The following PDE8B variants were observed in gnomAD, a reference collection of about 807,000 sequenced individuals.
PDE8B encodes the protein high affinity cAMP-specific and IBMX-insensitive 3',5'-cyclic phosphodiesterase 8B.
Under a neutral mutation model 101.3 loss-of-function variants are expected in PDE8B, and 26 were observed. The ratio of observed to expected loss-of-function variants is 0.26; its 90% CI spans 0.19 to 0.36. The LOEUF is 0.36. Ranked by LOEUF, PDE8B falls within the 10% of genes least tolerant of loss-of-function variation. The pLI is 1.00. For synonymous variants in PDE8B, 424 were observed against 429.3 expected (o/e 0.99, Z 0.15); for missense variants, 810 against 1,163.1 (o/e 0.70, Z 4.42).
chr5:77,093,417 A>C, the PDE8B span, among the ~76,000 whole-genome samples: 1 of 151,998 alleles, frequency 6.6e-6, no homozygotes, highest in African/African-American at 2.4e-5. Flanking sequence ...TTATTTCTAT[A>C]AGGTTGATGG....
intron 10 of PDE8B, among the ~76,000 whole-genome samples, chr5:77,378,037 CA>C (rs1173169038): frequency 4.4e-5 from 6 of 136,438 alleles, no homozygotes; most frequent in Non-Finnish European, 9.8e-5. Flanking sequence ...CACACACACA[CA>C]CACACACACA....
intron 2 of PDE8B, among the ~76,000 whole-genome samples, chr5:77,320,313 C>T (rs993889449): frequency 6.6e-6 from 1 of 152,168 alleles, no homozygotes; most frequent in Non-Finnish European, 1.5e-5. Flanking sequence ...GTGAGGATTG[C>T]CGATAGCTAT....
At chr5:77,205,608 A>G (rs1209538521), upstream of PDE8B, among the ~76,000 whole-genome samples, 2 of 152,362 alleles carry the variant, frequency 1.3e-5, no homozygotes, top group Middle Eastern at 3.4e-3. Flanking sequence ...AAAAGGAAAT[A>G]GAGTTACCTA....
intron 1 of PDE8B, among the ~76,000 whole-genome samples, chr5:77,217,762 C>G (rs1254964375): frequency 6.6e-6 from 1 of 152,178 alleles, no homozygotes; most frequent in South Asian, 2.1e-4. Flanking sequence ...GTCTCAAACT[C>G]CTGAGCTCAA....
chr5:77,161,342 T>A, the PDE8B span, among the ~76,000 whole-genome samples: 1 of 152,166 alleles, frequency 6.6e-6, no homozygotes, highest in African/African-American at 2.4e-5. Flanking sequence ...ACCCATGCTG[T>A]CGTATTAGTA....
chr5:77,242,484 G>T (rs1008396174), intron 1 of PDE8B, among the ~76,000 whole-genome samples: 1 of 152,118 alleles, frequency 6.6e-6, no homozygotes, highest in Non-Finnish European at 1.5e-5. Flanking sequence ...TGCTGTTTGG[G>T]ATTAGGCTCT....
At chr5:77,378,793 T>A (rs1410428034) in intron 10 of PDE8B, among the ~76,000 whole-genome samples, 1 of 152,188 alleles carries the variant, frequency 6.6e-6, no homozygotes, top group Non-Finnish European at 1.5e-5. Context: ...ACCTACTGAG[T>A]CAGCAACTCT....
chr5:77,118,008 C>T, the PDE8B span, among the ~76,000 whole-genome samples: 2 of 152,066 alleles, frequency 1.3e-5, no homozygotes, highest in Non-Finnish European at 2.9e-5. Context: ...AATCTCGGCT[C>T]ACTGAAAGCT....
At chr5:77,366,073 T>C (rs1784077463) in intron 10 of PDE8B, among the ~76,000 whole-genome samples, 1 of 152,152 alleles carries the variant, frequency 6.6e-6, no homozygotes, top group African/African-American at 2.4e-5. Flanking sequence ...GGTTTTTTTG[T>C]TTTTTGTTTT....
intron 10 of PDE8B, among the ~76,000 whole-genome samples, chr5:77,396,226 C>A (rs1289792344): frequency 1.3e-5 from 2 of 152,218 alleles, no homozygotes; most frequent in East Asian, 3.8e-4. Flanking sequence ...TTTTGCCCTT[C>A]CCCCACATTG....
chr5:77,268,323 TG>T (rs1408027355), intron 1 of PDE8B, among the ~76,000 whole-genome samples: 1 of 152,146 alleles, frequency 6.6e-6, no homozygotes, highest in African/African-American at 2.4e-5. Context: ...TCGGGGTAAA[TG>T]GGGGTATCCA....
chr5:77,328,325 G>T (rs73767370), intron 3 of PDE8B, among the ~76,000 whole-genome samples: 4,749 of 151,142 alleles, frequency 0.031, 235 homozygotes, highest in African/African-American at 0.11. Flanking sequence ...GATTATTTTG[G>T]TCCTGTTTAA....
chr5:77,259,390 A>G (rs1243375921), intron 1 of PDE8B, among the ~76,000 whole-genome samples: 1 of 152,220 alleles, frequency 6.6e-6, no homozygotes, highest in South Asian at 2.1e-4. Context: ...CTTCAAGGGC[A>G]GCTCCAGGCA....
At chr5:77,240,848 G>T (rs190414590) in intron 1 of PDE8B, among the ~76,000 whole-genome samples, 2 of 152,252 alleles carry the variant, frequency 1.3e-5, no homozygotes, top group Admixed American at 1.3e-4. Flanking sequence ...TCAAATACAG[G>T]TTTCCAAATA....
rs184414323 is a variant in PDE8B at position 77,272,655 on chromosome 5, G to A, written c.340-39339G>A. 1.8e-4 allele frequency among the ~76,000 whole-genome samples: 27 copies of A among 152,234 alleles called. No homozygotes were observed. In the East Asian group the frequency reaches 4.5e-3, roughly 25 times the overall value. The stretch of plus-strand genomic sequence containing the variant: ...ATGTGATCTTTAAAGGACTTAGCAT[G>A]GTACCTGGCACATAGTAAGTGCTCA... On this transcript the variant is annotated intron_variant, in intron 1 of 21. Coordinates refer to ENST00000264917, the MANE Select transcript of PDE8B (RefSeq NM_003719.5).
intron 1 of PDE8B, among the ~76,000 whole-genome samples, chr5:77,302,456 G>A (rs1209612953): frequency 6.6e-6 from 1 of 152,144 alleles, no homozygotes; most frequent in Non-Finnish European, 1.5e-5. Flanking sequence ...GAGGTTGACG[G>A]TACTGCCTCC....
chr5:77,414,464 A>G (rs1795130677), intron 17 of PDE8B, among the ~76,000 whole-genome samples: 1 of 152,178 alleles, frequency 6.6e-6, no homozygotes, highest in Admixed American at 6.5e-5. Context: ...ACTGTTGCCC[A>G]GGCTGGAGTG....
chr5:77,303,485 C>T (rs999512304), intron 1 of PDE8B, among the ~76,000 whole-genome samples: 1 of 152,128 alleles, frequency 6.6e-6, no homozygotes, highest in Admixed American at 6.5e-5. Flanking sequence ...AAAAGAATCA[C>T]TTGAACCTGG....
At chr5:77,332,453 TTGAAGA>T (rs1777320739) in intron 5 of PDE8B, among the ~76,000 whole-genome samples, 1 of 152,192 alleles carries the variant, frequency 6.6e-6, no homozygotes, top group East Asian at 1.9e-4. Context: ...GATATTCAAC[TTGAAGA>T]TTAAGATTGG....
Sources: allele counts gnomAD v4.1 joint callset (sites outside exome capture counted in the v4.1 genomes callset), GRCh38; gene constraint gnomAD v4.1.1; transcripts MANE v1.5; gene names NCBI Gene and HGNC (gene_info 2026-07-23, HGNC 2026-07-21).